TNRC6A: variants seen among roughly 807,000 people sequenced by gnomAD.
TNRC6A encodes the protein trinucleotide repeat containing adaptor 6A.
In TNRC6A, 44 loss-of-function variants were observed where a neutral mutation model predicts 221.2. That is an observed-to-expected ratio of 0.20 (90% CI 0.16 to 0.26). The LOEUF (loss-of-function observed/expected upper bound fraction) is 0.26. Ranked by LOEUF, TNRC6A falls within the 10% of genes least tolerant of loss-of-function variation. The pLI, the probability that TNRC6A is intolerant of heterozygous loss-of-function variation, is 1.00. For missense variants in TNRC6A, 2,199 were observed against 2,404.4 expected, an observed-to-expected ratio of 0.91 and a Z score of 1.79; for synonymous variants, 847 against 838.5, an observed-to-expected ratio of 1.01 and a Z score of -0.18.
At chr16:24,773,515 A>G (rs761516403) in intron 4 of TNRC6A, among the ~76,000 whole-genome samples, 3 of 152,154 alleles carry the variant, frequency 2.0e-5, no homozygotes, top group Non-Finnish European at 2.9e-5. Context: ...TTGCTGCTGT[A>G]TGGCATGCAT....
At chr16:24,612,155 G>C (rs1900084798) in intron 1 of TNRC6A, among the ~76,000 whole-genome samples, 1 of 152,144 alleles carries the variant, frequency 6.6e-6, no homozygotes, top group Non-Finnish European at 1.5e-5. Flanking sequence ...GGCAGTATCT[G>C]TAGCCCCAGA....
At position 24,805,785 on chromosome 16, in the gene TNRC6A, A is replaced by G. The variant is rs761671978; in HGVS notation, c.4251+52A>G. On this transcript the variant is annotated intron_variant, in intron 15 of 24. Transcript: ENST00000395799. ...TACACATTTATGGAGCATCTACTGT[A>G]TGCCAAACACTAGACTCTGTGCGGG... 5.0e-6 allele frequency: 8 copies of G among 1,610,398 alleles called. No homozygotes were observed. The East Asian group carries it at 8.9e-5, about 18-fold the overall frequency.
intron 2 of TNRC6A, among the ~76,000 whole-genome samples, chr16:24,691,740 C>T (rs1050642877): frequency 1.3e-5 from 2 of 151,808 alleles, no homozygotes; most frequent in African/African-American, 4.8e-5. Flanking sequence ...AGTACTCCTG[C>T]CTGGGCAACA....
intron 4 of TNRC6A, among the ~76,000 whole-genome samples, chr16:24,770,692 C>T (rs537868446): frequency 1.5e-4 from 23 of 151,616 alleles, no homozygotes; most frequent in African/African-American, 4.4e-4. Flanking sequence ...CTGCTTAAAC[C>T]CATTCTTAGG....
intron 2 of TNRC6A, among the ~76,000 whole-genome samples, chr16:24,667,653 C>A (rs2055200046): frequency 6.6e-6 from 1 of 152,108 alleles, no homozygotes; most frequent in African/African-American, 2.4e-5. Context: ...TATTACCTAC[C>A]CCCCAGTTGT....
chr16:24,680,446 G>A (rs1190083141), intron 2 of TNRC6A, among the ~76,000 whole-genome samples: 1 of 151,454 alleles, frequency 6.6e-6, no homozygotes, highest in Non-Finnish European at 1.5e-5. Flanking sequence ...GAGGCCCGGT[G>A]CGGTGGCTCA....
intron 1 of TNRC6A, among the ~76,000 whole-genome samples, chr16:24,638,606 G>A (rs1405059892): frequency 3.9e-5 from 6 of 151,976 alleles, no homozygotes; most frequent in Admixed American, 1.3e-4. Flanking sequence ...CCAGCTACTC[G>A]GGAGGCTGAG....
intron 2 of TNRC6A, among the ~76,000 whole-genome samples, chr16:24,722,035 G>A (rs968326437): frequency 1.2e-4 from 19 of 152,300 alleles, no homozygotes; most frequent in African/African-American, 3.6e-4. Context: ...GAAGGGGCGC[G>A]AGGGAATTTT....
intron 2 of TNRC6A, among the ~76,000 whole-genome samples, chr16:24,677,440 G>A (rs1250251044): frequency 6.6e-6 from 1 of 152,270 alleles, no homozygotes; most frequent in Admixed American, 6.5e-5. Context: ...TGGGATTACA[G>A]ACGTAAGCCA....
chr16:24,770,847 A>G (rs186705628), intron 4 of TNRC6A, among the ~76,000 whole-genome samples: 46 of 152,322 alleles, frequency 3.0e-4, no homozygotes, highest in African/African-American at 9.9e-4. Context: ...TGGTTCTCGA[A>G]GTTTACCTGA....
At chr16:24,719,447 G>A (rs1163163373) in intron 2 of TNRC6A, among the ~76,000 whole-genome samples, 1 of 152,044 alleles carries the variant, frequency 6.6e-6, no homozygotes, top group Non-Finnish European at 1.5e-5. Context: ...ATCACCTGAG[G>A]TCAGGAGTTC....
chr16:24,693,319 G>C (rs528222963), intron 2 of TNRC6A, among the ~76,000 whole-genome samples: 2 of 152,178 alleles, frequency 1.3e-5, no homozygotes, highest in Admixed American at 6.5e-5. Context: ...AGACGCAGTA[G>C]CTCACGCCTG....
At chr16:24,659,420 C>G (rs769571300) in intron 2 of TNRC6A, among the ~76,000 whole-genome samples, 18 of 152,082 alleles carry the variant, frequency 1.2e-4, no homozygotes, top group Non-Finnish European at 2.5e-4. Context: ...AAAAAACGCT[C>G]CCTTTTACCA....
intron 2 of TNRC6A, among the ~76,000 whole-genome samples, chr16:24,714,697 T>G (rs2056279375): frequency 6.6e-6 from 1 of 152,140 alleles, no homozygotes; most frequent in Non-Finnish European, 1.5e-5. Context: ...TAAAATATCT[T>G]TCAGGGCTTT....
At chr16:24,747,632 T>G (rs187761324) in intron 2 of TNRC6A, among the ~76,000 whole-genome samples, 40 of 150,618 alleles carry the variant, frequency 2.7e-4, no homozygotes, top group East Asian at 9.6e-4. Flanking sequence ...GGCACAGGTG[T>G]TGTTGTTGTT....
intron 2 of TNRC6A, among the ~76,000 whole-genome samples, chr16:24,669,255 T>G (rs1035422570): frequency 6.6e-6 from 1 of 152,102 alleles, no homozygotes; most frequent in Non-Finnish European, 1.5e-5. Context: ...TCCCAGCAGT[T>G]TGGGAGACTG....
chr16:24,695,024 C>A (rs1195543618), intron 2 of TNRC6A, among the ~76,000 whole-genome samples: 1 of 152,140 alleles, frequency 6.6e-6, no homozygotes, highest in Non-Finnish European at 1.5e-5. Context: ...GCTGTTGGGG[C>A]CCTGCAGCTT....
intron 1 of TNRC6A, among the ~76,000 whole-genome samples, chr16:24,627,845 C>T (rs976466473): frequency 2.0e-5 from 3 of 151,212 alleles, no homozygotes; most frequent in African/African-American, 7.3e-5. Context: ...TTACAGGCGC[C>T]TGCCCCCATG....
intron 1 of TNRC6A, among the ~76,000 whole-genome samples, chr16:24,639,291 C>G (rs1284020671): frequency 1.3e-5 from 2 of 152,134 alleles, no homozygotes; most frequent in East Asian, 3.9e-4. Flanking sequence ...TCGAGGCCAG[C>G]CTGGATGACA....
Sources: allele counts gnomAD v4.1 joint callset (sites outside exome capture counted in the v4.1 genomes callset), GRCh38; gene constraint gnomAD v4.1.1; transcripts MANE v1.5; gene names NCBI Gene and HGNC (gene_info 2026-07-23, HGNC 2026-07-21).